The following AGAP1 variants were observed in gnomAD, a reference collection of about 807,000 sequenced individuals.
AGAP1 encodes arf-GAP with GTPase, ANK repeat and PH domain-containing protein 1.
Under a neutral mutation model 105.3 loss-of-function variants are expected in AGAP1, and 29 were observed. The ratio of observed to expected loss-of-function variants is 0.28; its 90% CI spans 0.21 to 0.38. AGAP1 has a LOEUF of 0.38. Among genes scored for constraint, AGAP1 ranks in the 10% least tolerant of loss-of-function variants. The probability of loss-of-function intolerance (pLI) is 1.00; values close to 1 mark genes in which losing one functional copy is unlikely to be tolerated. For missense variants in AGAP1, 998 were observed against 1,165.1 expected (o/e 0.86, Z 2.09); for synonymous variants, 509 against 485.9 (o/e 1.05, Z -0.63).
At chr2:235,619,229 G>T (rs565042221) in intron 1 of AGAP1, among the ~76,000 whole-genome samples, 1 of 152,218 alleles carries the variant, frequency 6.6e-6, no homozygotes, top group East Asian at 1.9e-4. Flanking sequence ...GGGAACTCAC[G>T]CAGTAAGGAC....
chr2:235,563,182 C>T (rs896127630), intron 1 of AGAP1, among the ~76,000 whole-genome samples: 1 of 152,246 alleles, frequency 6.6e-6, no homozygotes, highest in African/African-American at 2.4e-5. Flanking sequence ...GCAGCCCCAG[C>T]ATCTCATGCC....
intron 16 of AGAP1, among the ~76,000 whole-genome samples, chr2:236,117,910 CGCTGCATTTGTGGGG>C (rs1229285134): frequency 2.0e-5 from 3 of 152,100 alleles, no homozygotes; most frequent in Non-Finnish European, 4.4e-5. Context: ...GGGCTGCCTC[CGCTGCATTTGTGGGG>C]GCCGGTGTCA....
chr2:236,124,513 A>G lies in AGAP1; in HGVS notation c.*391A>G, dbSNP rs2059973203. The G allele has an allele frequency of 7.3e-6, 2 of 273,052 alleles. No individual in the cohort carries two copies. The highest frequency in any genetic ancestry group is 1.4e-5 in the Non-Finnish European group (2 of 141,330). 16.9% of individuals were successfully genotyped at this position (273,052 alleles called of 1,614,324 possible). A position where few individuals can be genotyped will look rare whatever the true frequency, so the allele number is the denominator to read the frequency against. ...CTTTCCTTAACTGGCAGTTGAGCAC[A>G]TAGTACATTTCCCCTCTACCAAACG... On this transcript the variant is annotated 3_prime_UTR_variant, in exon 18 of 18. Transcript: ENST00000304032. This position sits in a 1 kb window ranked among gnomAD's most constrained non-coding sequence, Gnocchi z 5.1.
intron 9 of AGAP1, among the ~76,000 whole-genome samples, chr2:235,815,398 T>G (rs530011469): frequency 6.6e-6 from 1 of 152,234 alleles, no homozygotes; most frequent in Admixed American, 6.5e-5. Context: ...TTTCTTATAA[T>G]GATGCCAGTC....
Position 236,014,738 on chromosome 2 carries a change from ATT to A in AGAP1, c.1646-21821_1646-21820del. 1 of 376,306 alleles carries A rather than the reference ATT, an allele frequency of 2.7e-6. No homozygotes were observed. The allele number at this position is 376,306 out of a possible 1,614,324, so 23.3% of individuals were successfully genotyped here. ...TGACCTTTTTTTTTCTCCCCTTTTCATTTGTTTTCTTTTCCTTTTTGTTTTCT... is the reference window on the plus strand; with the variant it reads ...TGACCTTTTTTTTTCTCCCCTTTTCATGTTTTCTTTTCCTTTTTGTTTTCT... On this transcript the variant is annotated intron_variant, in intron 13 of 17. Coordinates refer to ENST00000304032, the MANE Select transcript of AGAP1 (RefSeq NM_001037131.3). The surrounding 1 kb of genome is among the most constrained non-coding windows in gnomAD (Gnocchi z 6.3).
At position 236,002,736 on chromosome 2, in the gene AGAP1, A is replaced by G. The variant is rs1266594434; in HGVS notation, c.1646-33825A>G. ...GTCCCCCTGAAAAGCGAGATTTCATAGAAGTATTGAATTTTACCAAAAGTT... is the reference window on the plus strand; with the variant it reads ...GTCCCCCTGAAAAGCGAGATTTCATGGAAGTATTGAATTTTACCAAAAGTT... On this transcript the variant is annotated intron_variant, in intron 13 of 17. Coordinates refer to ENST00000304032, the MANE Select transcript of AGAP1 (RefSeq NM_001037131.3). The surrounding 1 kb of genome is among the most constrained non-coding windows in gnomAD (Gnocchi z 4.3). Among the ~76,000 whole-genome samples the G allele has an allele frequency of 6.6e-6, 1 of 152,218 alleles. No homozygotes were observed. Among genetic ancestry groups the G allele is most frequent in the Non-Finnish European group, 1.5e-5 (1 of 68,044 alleles).
Position 235,721,162 on chromosome 2 carries a change from C to T in AGAP1, c.310+3518C>T, listed in dbSNP as rs566011191. On this transcript the variant is annotated intron_variant, in intron 3 of 17. Coordinates refer to ENST00000304032, the MANE Select transcript of AGAP1 (RefSeq NM_001037131.3). The surrounding 1 kb of genome is among the most constrained non-coding windows in gnomAD (Gnocchi z 4.5). ...AGCTGGGATTACAGGCACCCCCCAC[C>T]GCGCCCGGATAATTTTTGTATTTTT... Among the ~76,000 whole-genome samples the T allele has an allele frequency of 1.5e-4, 23 of 152,182 alleles. No homozygotes were observed. Among genetic ancestry groups the T allele is most frequent in the African/African-American group, 2.7e-4 (11 of 41,498 alleles).
rs534261354 is a variant in AGAP1 at position 235,736,439 on chromosome 2, T to C, written c.311-4524T>C. On this transcript the variant is annotated intron_variant, in intron 3 of 17. Coordinates refer to ENST00000304032, the MANE Select transcript of AGAP1 (RefSeq NM_001037131.3). The surrounding 1 kb of genome is among the most constrained non-coding windows in gnomAD (Gnocchi z 5.5). ...CATGGCAGATCCATTACATGGGCCA[T>C]GGGCCAAGCTGTGCACCAGGTGCTG... is the stretch of plus-strand genomic sequence containing the variant. Among the ~76,000 whole-genome samples, 8 of 152,242 alleles carry C rather than the reference T, an allele frequency of 5.3e-5. No individual in the cohort carries two copies. The highest frequency in any genetic ancestry group is 1.0e-4 in the Non-Finnish European group (7 of 68,000).
rs955186058 is a variant in AGAP1, at chr2:235,724,239, G to A, written c.310+6595G>A. 1.3e-5 allele frequency among the ~76,000 whole-genome samples: 2 copies of A among 152,176 alleles called. No homozygotes were observed. Among genetic ancestry groups the A allele is most frequent in the African/African-American group, 2.4e-5 (1 of 41,434 alleles). On this transcript the variant is annotated intron_variant, in intron 3 of 17. Transcript: ENST00000304032. This position sits in a 1 kb window ranked among gnomAD's most constrained non-coding sequence, Gnocchi z 4.9. ...GAATGTGCCTAGGCCAACAGCCAGC[G>A]AGCTCCTGGCCGGGAGCCTGGTAAT...
At position 235,569,995 on chromosome 2, in the gene AGAP1, C is replaced by T. The variant is rs570481107; in HGVS notation, c.163+75146C>T. ...GGCCCGGGATCCAAATTATTTGCAGCGCCTGTCGTCTTTGTTAACTCTTCT... is the reference window on the plus strand; with the variant it reads ...GGCCCGGGATCCAAATTATTTGCAGTGCCTGTCGTCTTTGTTAACTCTTCT... On this transcript the variant is annotated intron_variant, in intron 1 of 17. Transcript: ENST00000304032. This position sits in a 1 kb window ranked among gnomAD's most constrained non-coding sequence, Gnocchi z 5.9. Among the ~76,000 whole-genome samples the T allele has an allele frequency of 6.0e-4, 91 of 152,306 alleles. 3 individuals carry two copies. Among genetic ancestry groups the T allele is most frequent in the South Asian group, 4.4e-3 (21 of 4,824 alleles).
chr2:235,554,664 C>T (rs1368763698), intron 1 of AGAP1, among the ~76,000 whole-genome samples: 4 of 152,158 alleles, frequency 2.6e-5, no homozygotes, highest in Non-Finnish European at 5.9e-5. Context: ...CTTTTAAAAT[C>T]ACGGAACCAT....
intron 1 of AGAP1, among the ~76,000 whole-genome samples, chr2:235,643,566 G>A (rs1947275169): frequency 6.6e-6 from 1 of 151,648 alleles, no homozygotes. Context: ...GAAAAAACTG[G>A]AAAACTCTCT....
rs1026522300 is a variant in AGAP1, at chr2:235,610,316, G to A, written c.164-98863G>A. On this transcript the variant is annotated intron_variant, in intron 1 of 17. Coordinates refer to ENST00000304032, the MANE Select transcript of AGAP1 (RefSeq NM_001037131.3). The surrounding 1 kb of genome is among the most constrained non-coding windows in gnomAD (Gnocchi z 4.9). The stretch of plus-strand genomic sequence containing the variant: ...CTTGGAGTCCACCGTGCACTTGTCC[G>A]CTTGGGCTGCCATAACAAAATACCA... 6.6e-6 allele frequency among the ~76,000 whole-genome samples: 1 copy of A among 152,114 alleles called. No homozygotes were observed. Among genetic ancestry groups the A allele is most frequent in the Non-Finnish European group, 1.5e-5 (1 of 68,032 alleles).
chr2:235,763,064 GCGCGCA>G (rs375184219), intron 6 of AGAP1, among the ~76,000 whole-genome samples: 8 of 96,176 alleles, frequency 8.3e-5, no homozygotes, highest in African/African-American at 2.2e-4. Flanking sequence ...GTGTGCGCGC[GCGCGCA>G]CACGTGCACC....
rs182864215 is a variant in AGAP1 at position 235,728,475 on chromosome 2, G to T, written c.310+10831G>T. On this transcript the variant is annotated intron_variant, in intron 3 of 17. Transcript: ENST00000304032. This position sits in a 1 kb window ranked among gnomAD's most constrained non-coding sequence, Gnocchi z 4.3. ...AAATGGAAACCTGATTCAACTCACA[G>T]TGTAGTCCTTTATCCATGCTTGTTG... Among the ~76,000 whole-genome samples, 1 of 152,138 alleles carries T rather than the reference G, an allele frequency of 6.6e-6. No individual in the cohort carries two copies. The highest frequency in any genetic ancestry group is 1.5e-5 in the Non-Finnish European group (1 of 68,036).
intron 1 of AGAP1, among the ~76,000 whole-genome samples, chr2:235,543,489 A>G (rs1442929841): frequency 6.6e-6 from 1 of 152,188 alleles, no homozygotes; most frequent in Non-Finnish European, 1.5e-5. Flanking sequence ...CATCCAGAGA[A>G]GAAGCTGGGG....
At chr2:235,822,747 C>T (rs560211233) in intron 9 of AGAP1, among the ~76,000 whole-genome samples, 6 of 152,156 alleles carry the variant, frequency 3.9e-5, no homozygotes, top group African/African-American at 9.6e-5. Context: ...TGAGTGAGCC[C>T]GAGCTGGGAG....
At position 235,927,476 on chromosome 2, in the gene AGAP1, C is replaced by T. The variant is rs112367825; in HGVS notation, c.1325-3289C>T. Among the ~76,000 whole-genome samples, 769 of 152,252 alleles carry T rather than the reference C, an allele frequency of 5.1e-3. 1 individual carries two copies. Among genetic ancestry groups the T allele is most frequent in the African/African-American group, 6.6e-3 (273 of 41,550 alleles). ...ATTCACAGCAGAGTCCTGTTGTTTC[C>T]TAGTGTGTAGGCTTGAAGGAATCTC... On this transcript the variant is annotated intron_variant, in intron 11 of 17. Transcript: ENST00000304032. This position sits in a 1 kb window ranked among gnomAD's most constrained non-coding sequence, Gnocchi z 4.4.
intron 13 of AGAP1, among the ~76,000 whole-genome samples, chr2:235,987,606 CG>C (rs1388880895): frequency 6.8e-6 from 1 of 146,236 alleles, no homozygotes; most frequent in African/African-American, 2.5e-5. Context: ...TGGATTAGTT[CG>C]TTGTTGCCTC....
Sources: gnomAD v4.1 joint callset for allele counts (sites outside exome capture counted in the v4.1 genomes callset) on GRCh38, gnomAD v4.1.1 for gene constraint, Gnocchi (gnomAD v3.1) non-coding constraint, MANE v1.5 for transcripts, NCBI Gene and HGNC (gene_info 2026-07-23, HGNC 2026-07-21) for gene names.